The following RPL36 variants were observed in gnomAD, a reference collection of about 807,000 sequenced individuals.
RPL36 encodes the protein ribosomal protein L36.
For synonymous variants in RPL36, 74 were observed against 56.0 expected (o/e 1.32, Z -1.44); for missense variants, 131 against 144.9 (o/e 0.90, Z 0.49).
chr19:5,690,475 C>G (rs368211799), intron 1 of RPL36, 31 bp from the exon 2 acceptor site: 15 of 1,507,942 alleles, frequency 9.9e-6, no homozygotes, highest in Non-Finnish European at 1.4e-5. Flanking sequence ...CGGTACTCAC[C>G]TCCGCCCCTT....
Position 5,690,593 on chromosome 19 carries a change from G to C in RPL36, c.86G>C (p.Arg29Pro). The C allele has an allele frequency of 6.4e-7, 1 of 1,565,028 alleles. No homozygotes were observed. The highest frequency in any genetic ancestry group is 1.2e-5 in the South Asian group (1 of 85,036). ...GTGAGCAAGCCCAGGCACAGCCGAC[G>C]CCGCGGGGTGAGTGCGGGTGCCGCG... is the stretch of plus-strand genomic sequence containing the variant. ...KNVSKPRHSR[R>P]RGRLTKHTKF... The change falls in exon 2 of 4, where the codon CGC becomes CCC. Residue 29 changes from arginine to proline, a missense_variant. By Grantham distance (103) the Arg-to-Pro change is moderately radical. Transcript: ENST00000347512.
intron 2 of RPL36, 131 bp from the exon 3 acceptor site, chr19:5,691,188 T>A: frequency 2.9e-6 from 4 of 1,381,688 alleles, no homozygotes; most frequent in Non-Finnish European, 3.1e-6. Flanking sequence ...CGCTAGGCGT[T>A]AATACCTTGG....
At position 5,691,710 on chromosome 19, in the gene RPL36, GGGGGCCCGCAGTCCCCTGTCT is replaced by G. The variant is rs1599438440; in HGVS notation, c.*92_*112del. 7.4e-7 allele frequency: 1 copy of G among 1,351,324 alleles called. No homozygotes were observed. Among genetic ancestry groups the G allele is most frequent in the Non-Finnish European group, 1.0e-6 (1 of 970,278 alleles). 83.7% of individuals were successfully genotyped at this position (1,351,324 alleles called of 1,614,324 possible). ...GTCCGTGGGTGGGTGTGGGTGTGTCGGGGGCCCGCAGTCCCCTGTCTGGTGCCCGCTCTGAGCCACACCCTC... is the reference window on the plus strand; with the variant it reads ...GTCCGTGGGTGGGTGTGGGTGTGTCGGGTGCCCGCTCTGAGCCACACCCTC... On this transcript the variant is annotated 3_prime_UTR_variant, in exon 4 of 4. Coordinates refer to ENST00000347512, the MANE Select transcript of RPL36 (RefSeq NM_033643.3).
At position 5,691,623 on chromosome 19, in the gene RPL36, C is replaced by A; in HGVS notation, c.*2C>A. 6.2e-7 allele frequency: 1 copy of A among 1,604,418 alleles called. No homozygotes were observed. Among genetic ancestry groups the A allele is most frequent in the Non-Finnish European group, 8.5e-7 (1 of 1,176,654 alleles). On this transcript the variant is annotated 3_prime_UTR_variant, in exon 4 of 4. Transcript: ENST00000347512. ...AAAGCTGCTGCCAAGAAAGACTGAG[C>A]CCCTCCCCTGCCCTCTCCCTGAAAT...
intron 2 of RPL36, 141 bp from the exon 3 acceptor site, chr19:5,691,178 C>T (rs2054812987): frequency 2.4e-6 from 3 of 1,256,230 alleles, no homozygotes; most frequent in Admixed American, 1.9e-5. Flanking sequence ...CGGCGAAAAG[C>T]GCTAGGCGTT....
At chr19:5,691,288 C>A (rs760091627) in intron 2 of RPL36, 31 bp from the exon 3 acceptor site, 3 of 1,612,088 alleles carry the variant, frequency 1.9e-6, no homozygotes, top group South Asian at 1.1e-5. Flanking sequence ...AGGGATCCCC[C>A]TACCCTGACG....
rs879160764 is a variant in RPL36, at chr19:5,691,316, T to C, written c.94-3T>C. The C allele has an allele frequency of 6.2e-7, 1 of 1,607,768 alleles. No individual in the cohort carries two copies. Among genetic ancestry groups the C allele is most frequent in the Non-Finnish European group, 8.5e-7 (1 of 1,175,798 alleles). On this transcript the variant is annotated splice_polypyrimidine_tract_variant and splice_region_variant and intron_variant, in intron 2 of 3. Transcript: ENST00000347512. ...CCCTGACGGCCGCCCCTTTCCCCCC[T>C]AGCGTCTGACCAAACACACCAAGTT...
rs2054823958 is a variant in RPL36 at position 5,691,702 on chromosome 19, G to A, written c.*81G>A. The A allele has an allele frequency of 2.2e-6, 3 of 1,393,268 alleles. No homozygotes were observed. Among genetic ancestry groups the A allele is most frequent in the South Asian group, 1.2e-5 (1 of 81,102 alleles). The allele number at this position is 1,393,268 out of a possible 1,614,324, so 86.3% of individuals were successfully genotyped here. On this transcript the variant is annotated 3_prime_UTR_variant, in exon 4 of 4. Transcript: ENST00000347512. ...CTCCTGCTGTCCGTGGGTGGGTGTG[G>A]GTGTGTCGGGGGCCCGCAGTCCCCT... is the stretch of plus-strand genomic sequence containing the variant.
In RPL36 at chr19:5,690,312, C is replaced by T. The variant is rs533868214; in HGVS notation, c.-18C>T. On this transcript the variant is annotated 5_prime_UTR_variant, in exon 1 of 4. Coordinates refer to ENST00000347512, the MANE Select transcript of RPL36 (RefSeq NM_033643.3). ...GCGCCAGCCCTTCCGCCACGGCCGT[C>T]TCTGGAGAGCAGCAGGTAAGTGGTT... 9 of 634,078 alleles carry T rather than the reference C, an allele frequency of 1.4e-5. No individual in the cohort carries two copies. Among genetic ancestry groups the T allele is most frequent in the Admixed American group, 1.4e-4 (6 of 42,834 alleles). 39.3% of individuals were successfully genotyped at this position (634,078 alleles called of 1,614,324 possible).
At chr19:5,690,742 G>A (rs1006568382) in intron 2 of RPL36, 142 bp downstream of exon 2, 1 of 697,064 alleles carries the variant, frequency 1.4e-6, no homozygotes, top group South Asian at 1.7e-5. Context: ...TGGGGTGGGG[G>A]AGTGGGACTT....
chr19:5,691,280 GGATCCCCCTACCCTGAC>G, intron 2 of RPL36, 22 bp from the exon 3 acceptor site: 1 of 1,611,838 alleles, frequency 6.2e-7, no homozygotes, highest in East Asian at 2.2e-5. Context: ...TAGAATGCAG[GGATCCCCCTACCCTGAC>G]GGCCGCCCCT....
chr19:5,690,474 C>G (rs200368171), intron 1 of RPL36, 32 bp from the exon 2 acceptor site: 15 of 1,507,184 alleles, frequency 1.0e-5, no homozygotes, highest in Admixed American at 3.9e-5. Flanking sequence ...CCGGTACTCA[C>G]CTCCGCCCCT....
At chr19:5,691,182 A>T in intron 2 of RPL36, 137 bp from the exon 3 acceptor site, 1 of 1,284,904 alleles carries the variant, frequency 7.8e-7, no homozygotes, top group Non-Finnish European at 1.1e-6. Flanking sequence ...GAAAAGCGCT[A>T]GGCGTTAATA....
Position 5,691,715 on chromosome 19 carries a change from C to A in RPL36, c.*94C>A. ...TGGGTGGGTGTGGGTGTGTCGGGGG[C>A]CCGCAGTCCCCTGTCTGGTGCCCGC... On this transcript the variant is annotated 3_prime_UTR_variant, in exon 4 of 4. Transcript: ENST00000347512. 2 of 1,277,646 alleles carry A rather than the reference C, an allele frequency of 1.6e-6. No individual in the cohort carries two copies. The highest frequency in any genetic ancestry group is 2.2e-6 in the Non-Finnish European group (2 of 903,578). 79.1% of individuals were successfully genotyped at this position (1,277,646 alleles called of 1,614,324 possible). A position where few individuals can be genotyped will look rare whatever the true frequency, so the allele number is the denominator to read the frequency against.
intron 1 of RPL36, 74 bp downstream of exon 1, chr19:5,690,401 G>A: frequency 2.3e-6 from 2 of 885,924 alleles, no homozygotes; most frequent in Admixed American, 4.0e-5. Context: ...TTGGAGGATG[G>A]TTGGTTGTGG....
At position 5,690,616 on chromosome 19, in the gene RPL36, G is replaced by A. The variant is rs2054804681; in HGVS notation, c.93+16G>A. On this transcript the variant is annotated intron_variant, in intron 2 of 3. Transcript: ENST00000347512. ...ACGCCGCGGGGTGAGTGCGGGTGCC[G>A]CGCGGAGGTTGTCGGGGGTTTCTTG... 2 of 1,549,788 alleles carry A rather than the reference G, an allele frequency of 1.3e-6. No homozygotes were observed. Among genetic ancestry groups the A allele is most frequent in the South Asian group, 1.2e-5 (1 of 84,332 alleles).
intron 2 of RPL36, 156 bp from the exon 3 acceptor site, chr19:5,691,163 G>T: frequency 9.7e-7 from 1 of 1,029,060 alleles, no homozygotes; most frequent in Non-Finnish European, 1.5e-6. Context: ...GAGCTGCTCC[G>T]GGCGCGGCGA....
chr19:5,690,711 G>A lies in RPL36; in HGVS notation c.93+111G>A, dbSNP rs2054806142. 4.6e-6 allele frequency: 4 copies of A among 860,898 alleles called. No individual in the cohort carries two copies. The East Asian group carries it at 1.1e-4, about 23-fold the overall frequency. 53.3% of individuals were successfully genotyped at this position (860,898 alleles called of 1,614,324 possible). A position where few individuals can be genotyped will look rare whatever the true frequency, so the allele number is the denominator to read the frequency against. ...AACGCGCGTTCGGGCGCAGAACTAAGGGGGGCTTGAATGGAAGAGATGGGG... is the reference window on the plus strand; with the variant it reads ...AACGCGCGTTCGGGCGCAGAACTAAAGGGGGCTTGAATGGAAGAGATGGGG... On this transcript the variant is annotated intron_variant, in intron 2 of 3. Coordinates refer to ENST00000347512, the MANE Select transcript of RPL36 (RefSeq NM_033643.3).
rs143434468 is a variant in RPL36 at position 5,691,328 on chromosome 19, A to G, written c.103A>G (p.Lys35Glu). Residue 35 changes from lysine to glutamate, a missense_variant, in exon 3 of 4, where the codon AAA becomes GAA. Coordinates refer to ENST00000347512, the MANE Select transcript of RPL36 (RefSeq NM_033643.3). ...CCCCTTTCCCCCCTAGCGTCTGACCAAACACACCAAGTTCGTGCGGGACAT... is the reference window on the plus strand; with the variant it reads ...CCCCTTTCCCCCCTAGCGTCTGACCGAACACACCAAGTTCGTGCGGGACAT... ...RHSRRRGRLT[K>E]HTKFVRDMIR... 1 of 1,612,766 alleles carries G rather than the reference A, an allele frequency of 6.2e-7. No individual in the cohort carries two copies. Among genetic ancestry groups the G allele is most frequent in the Non-Finnish European group, 8.5e-7 (1 of 1,180,022 alleles).
Sources: allele counts gnomAD v4.1 joint callset, GRCh38; gene constraint gnomAD v4.1.1; transcripts MANE v1.5; gene names NCBI Gene and HGNC (gene_info 2026-07-23, HGNC 2026-07-21).